The following ALDH1A3 variants were observed in gnomAD, a reference collection of about 807,000 sequenced individuals.
ALDH1A3 encodes aldehyde dehydrogenase 1 family member A3, also known as retinaldehyde dehydrogenase 3.
A neutral mutation model predicts 57.5 loss-of-function variants in ALDH1A3; 28 were observed. That is an observed-to-expected ratio of 0.49 (90% CI 0.36 to 0.67). The LOEUF (loss-of-function observed/expected upper bound fraction) is 0.67, where lower values mean the gene tolerates loss of function less well. Ranked by LOEUF, ALDH1A3 falls within the 30% of genes least tolerant of loss-of-function variation. ALDH1A3 has a pLI of 0.00. For synonymous variants in ALDH1A3, 281 were observed against 264.8 expected, an observed-to-expected ratio of 1.06 and a Z score of -0.59; for missense variants, 507 against 669.4, an observed-to-expected ratio of 0.76 and a Z score of 2.68.
At position 100,887,158 on chromosome 15, in the gene ALDH1A3, A is replaced by G. The variant is rs2041603181; in HGVS notation, c.205-414A>G. 6.6e-6 allele frequency among the ~76,000 whole-genome samples: 1 copy of G among 152,260 alleles called. No homozygotes were observed. The highest frequency in any genetic ancestry group is 1.5e-5 in the Non-Finnish European group (1 of 68,046). ...AAAAATCACTTGAACGCTCCCAGCC[A>G]TTCAAGTGATTGAAAAACATGCTGC... On this transcript the variant is annotated intron_variant, in intron 2 of 12. Coordinates refer to ENST00000329841, the MANE Select transcript of ALDH1A3 (RefSeq NM_000693.4). This position sits in a 1 kb window ranked among gnomAD's most constrained non-coding sequence, Gnocchi z 4.6.
rs1431782689 is a variant in ALDH1A3, at chr15:100,900,727, C to A, written c.1036C>A (p.Pro346Thr). Residue 346 changes from proline (P) to threonine (T), a missense_variant, in exon 9 of 13, where the codon CCC becomes ACC. Transcript: ENST00000329841. ...TGCCAAGAAACGGCCCGTGGGAGACCCCTTCGATGTCAAAACAGAACAGGG... is the reference window on the plus strand; with the variant it reads ...TGCCAAGAAACGGCCCGTGGGAGACACCTTCGATGTCAAAACAGAACAGGG... Reference protein sequence around the residue: ...EYAKKRPVGDPFDVKTEQGPQ... With the variant: ...EYAKKRPVGDTFDVKTEQGPQ... 1.2e-6 allele frequency: 2 copies of A among 1,614,100 alleles called. No individual in the cohort carries two copies. The highest frequency in any genetic ancestry group is 1.7e-6 in the Non-Finnish European group (2 of 1,180,024).
chr15:100,892,506 G>T lies in ALDH1A3; in HGVS notation c.346-4G>T. The T allele has an allele frequency of 6.2e-7, 1 of 1,610,236 alleles. No individual in the cohort carries two copies. Among genetic ancestry groups the T allele is most frequent in the Non-Finnish European group, 8.5e-7 (1 of 1,179,150 alleles). ...CCGAAACAGACATCATCTTGTTATT[G>T]CAGGCCCTGGAGACGATGGATACAG... On this transcript the variant is annotated splice_region_variant and splice_polypyrimidine_tract_variant and intron_variant, in intron 3 of 12. Coordinates refer to ENST00000329841, the MANE Select transcript of ALDH1A3 (RefSeq NM_000693.4).
intron 9 of ALDH1A3, among the ~76,000 whole-genome samples, chr15:100,901,436 C>G (rs1370327794): frequency 6.6e-6 from 1 of 152,156 alleles, no homozygotes; most frequent in Admixed American, 6.5e-5. Context: ...TGCTTTTAGC[C>G]AAAGTCCTGC....
In ALDH1A3 at chr15:100,885,430, G is replaced by C. The variant is rs1223480065; in HGVS notation, c.204+59G>C. 2.1e-5 allele frequency: 28 copies of C among 1,333,040 alleles called. 1 individual carries two copies. The highest frequency in any genetic ancestry group is 3.6e-4 in the Middle Eastern group (2 of 5,600). The allele number at this position is 1,333,040 out of a possible 1,614,324, so 82.6% of individuals were successfully genotyped here. On this transcript the variant is annotated intron_variant, in intron 2 of 12. Transcript: ENST00000329841. ...TCAATTATGGATGACCAAAGGATAA[G>C]GAAACGGTTCGGCTTAGCTATAAGA...
At chr15:100,898,504 G>T (rs1315072646) in intron 8 of ALDH1A3, among the ~76,000 whole-genome samples, 1 of 152,250 alleles carries the variant, frequency 6.6e-6, no homozygotes, top group African/African-American at 2.4e-5. Flanking sequence ...GGGTCACGAG[G>T]AGCAGGTCTG....
Position 100,893,995 on chromosome 15 carries a change from C to T in ALDH1A3, c.579C>T (p.Pro193=), listed in dbSNP as rs757175054. 141 of 1,614,100 alleles carry T rather than the reference C, an allele frequency of 8.7e-5. No homozygotes were observed. Among genetic ancestry groups the T allele is most frequent in the Middle Eastern group, 3.3e-4 (2 of 6,084 alleles). ...TGATGCTGGTGTGGAAGCTGGCACC[C>T]GCCCTCTGCTGTGGGAACACCATGG... ...PLLMLVWKLA[P]ALCCGNTMVL... is the part of the protein sequence containing the mutation. Residue 193 remains proline (P), a synonymous_variant, in exon 6 of 13, where the codon CCC becomes CCT. Coordinates refer to ENST00000329841, the MANE Select transcript of ALDH1A3 (RefSeq NM_000693.4). The surrounding 1 kb of genome is among the most constrained non-coding windows in gnomAD (Gnocchi z 4.8).
intron 9 of ALDH1A3, among the ~76,000 whole-genome samples, chr15:100,904,500 T>C (rs1437936746): frequency 6.6e-6 from 1 of 152,188 alleles, no homozygotes; most frequent in African/African-American, 2.4e-5. Context: ...TTTATGATCA[T>C]TGGAATGAAA....
At position 100,880,022 on chromosome 15, in the gene ALDH1A3, C is replaced by A. The variant is rs769202735; in HGVS notation, c.99+16C>A. On this transcript the variant is annotated intron_variant, in intron 1 of 12. Coordinates refer to ENST00000329841, the MANE Select transcript of ALDH1A3 (RefSeq NM_000693.4). ...GTTCACCAAGGTGAGGCGGGCGCCC[C>A]TCCCACCCGACGGCCGCGGGCCCCT... 1 of 1,444,468 alleles carries A rather than the reference C, an allele frequency of 6.9e-7. No individual in the cohort carries two copies. The highest frequency in any genetic ancestry group is 1.4e-5 in the South Asian group (1 of 73,578). 89.5% of individuals were successfully genotyped at this position (1,444,468 alleles called of 1,614,324 possible).
chr15:100,898,819 A>G (rs1208530611), intron 8 of ALDH1A3, among the ~76,000 whole-genome samples: 1 of 152,140 alleles, frequency 6.6e-6, no homozygotes, highest in East Asian at 1.9e-4. Context: ...AATATATGCT[A>G]TTGTTGGCTG....
intron 12 of ALDH1A3, among the ~76,000 whole-genome samples, chr15:100,909,736 A>G (rs1188377436): frequency 6.6e-6 from 1 of 152,066 alleles, no homozygotes; most frequent in East Asian, 1.9e-4. Flanking sequence ...GGCTAGAGCA[A>G]CCCGGGAGTG....
intron 12 of ALDH1A3, 95 bp downstream of exon 12, chr15:100,908,577 C>T (rs2041849639): frequency 1.7e-6 from 2 of 1,167,586 alleles, no homozygotes. Flanking sequence ...GCTGACACCC[C>T]GTCCCCCCCA....
chr15:100,880,159 C>A, intron 1 of ALDH1A3, 153 bp downstream of exon 1: 1 of 446,542 alleles, frequency 2.2e-6, no homozygotes, highest in Non-Finnish European at 3.7e-6. Context: ...CTCCAGAAAC[C>A]GCACCTTTCG....
At chr15:100,907,089 C>G (rs758601715) in intron 10 of ALDH1A3, 32 bp from the exon 11 acceptor site, 6 of 1,605,810 alleles carry the variant, frequency 3.7e-6, no homozygotes, top group Non-Finnish European at 5.1e-6. Flanking sequence ...TTCAGTCATG[C>G]CTCTCATTGC....
At position 100,916,019 on chromosome 15, in the gene ALDH1A3, T is replaced by A. The variant is rs946284412; in HGVS notation, c.*1246T>A. The A allele has an allele frequency of 1.3e-5, 2 of 152,258 alleles. No individual in the cohort carries two copies. The highest frequency in any genetic ancestry group is 2.9e-5 in the Non-Finnish European group (2 of 68,042). 9.4% of individuals were successfully genotyped at this position (152,258 alleles called of 1,614,324 possible). On this transcript the variant is annotated 3_prime_UTR_variant, in exon 13 of 13. Transcript: ENST00000329841. ...AACAAATGTGTTATCCGACGGATAC[T>A]TTTATGGTTACTAACTAGTACTTTC...
chr15:100,885,739 C>G (rs57949555), intron 2 of ALDH1A3, among the ~76,000 whole-genome samples: 2 of 149,734 alleles, frequency 1.3e-5, no homozygotes, highest in African/African-American at 2.5e-5. Flanking sequence ...GTGTGTTTCA[C>G]GAAATGAAGC....
At position 100,879,949 on chromosome 15, in the gene ALDH1A3, C is replaced by A; in HGVS notation, c.42C>A (p.Asp14Glu). Residue 14 changes from aspartate to glutamate, a missense_variant, in exon 1 of 13, where the codon GAC (aspartate) becomes GAA (glutamate). Physicochemically the swap from Asp to Glu is conservative, Grantham distance 45 (BLOSUM62 2). Around this residue, in one of 2 missense-constraint regions of ALDH1A3, gnomAD observed 75 missense variants for 61.0 expected, o/e 1.23. Coordinates refer to ENST00000329841, the MANE Select transcript of ALDH1A3 (RefSeq NM_000693.4). ...ANGAVENGQP[D>E]RKPPALPRPI... is the part of the protein sequence containing the mutation. ...GGGCCGTGGAAAACGGGCAGCCGGA[C>A]AGGAAGCCGCCGGCCCTGCCGCGCC... is the stretch of plus-strand genomic sequence containing the variant. 1 of 1,472,408 alleles carries A rather than the reference C, an allele frequency of 6.8e-7. No homozygotes were observed. The highest frequency in any genetic ancestry group is 9.0e-7 in the Non-Finnish European group (1 of 1,110,470). 91.2% of individuals were successfully genotyped at this position (1,472,408 alleles called of 1,614,324 possible). A position where few individuals can be genotyped will look rare whatever the true frequency, so the allele number is the denominator to read the frequency against.
rs764144635 is a variant in ALDH1A3, at chr15:100,879,928, C to A, written c.21C>A (p.Ala7=). The change falls in exon 1 of 13, where the codon GCC becomes GCA. Residue 7 remains alanine, a synonymous_variant. Coordinates refer to ENST00000329841, the MANE Select transcript of ALDH1A3 (RefSeq NM_000693.4). The part of the protein sequence containing the change: MATANG[A]VENGQPDRKP... ...GAGCCATGGCCACCGCTAACGGGGC[C>A]GTGGAAAACGGGCAGCCGGACAGGA... 5.5e-6 allele frequency: 8 copies of A among 1,465,882 alleles called. No individual in the cohort carries two copies. Among genetic ancestry groups the A allele is most frequent in the South Asian group, 2.6e-5 (2 of 76,512 alleles). The allele number at this position is 1,465,882 out of a possible 1,614,324, so 90.8% of individuals were successfully genotyped here. A position where few individuals can be genotyped will look rare whatever the true frequency, so the allele number is the denominator to read the frequency against.
intron 11 of ALDH1A3, among the ~76,000 whole-genome samples, chr15:100,907,858 T>TC: frequency 7.2e-6 from 1 of 138,388 alleles, no homozygotes; most frequent in Non-Finnish European, 1.6e-5. Flanking sequence ...TTTTTTTTTT[T>TC]TTTTTTTTGA....
At chr15:100,908,627 T>A in intron 12 of ALDH1A3, 145 bp downstream of exon 12, 1 of 718,018 alleles carries the variant, frequency 1.4e-6, no homozygotes, top group Non-Finnish European at 2.3e-6. Flanking sequence ...CCCTCTAGGG[T>A]TGGTGGGGAC....
Sources: gnomAD v4.1 joint callset for allele counts (sites outside exome capture counted in the v4.1 genomes callset) on GRCh38, gnomAD v4.1.1 for gene constraint, gnomAD v4.1.1 regional missense constraint, Gnocchi (gnomAD v3.1) non-coding constraint, MANE v1.5 for transcripts, NCBI Gene and HGNC (gene_info 2026-07-23, HGNC 2026-07-21) for gene names.